Variants in KYNU observed in about 807,000 individuals in gnomAD.
KYNU encodes kynureninase.
A neutral mutation model predicts 59.2 loss-of-function variants in KYNU; 54 were observed. The observed-to-expected ratio is 0.91, with a 90% CI of 0.73 to 1.14. The LOEUF is 1.14. Among genes scored for constraint, KYNU ranks in the 50% most tolerant of loss-of-function variants. The probability of loss-of-function intolerance (pLI) is 0.00; values close to 1 mark genes in which losing one functional copy is unlikely to be tolerated. For synonymous variants in KYNU, 177 were observed against 192.0 expected (o/e 0.92, Z 0.65); for missense variants, 567 against 554.4 (o/e 1.02, Z -0.23).
chr2:142,889,509 G>C (rs185237553), intron 2 of KYNU, among the ~76,000 whole-genome samples: 1 of 152,140 alleles, frequency 6.6e-6, no homozygotes, highest in Non-Finnish European at 1.5e-5. Flanking sequence ...CTGGCTGCAG[G>C]ACACAGGGCA....
At chr2:142,971,942 G>A (rs529820191) in intron 8 of KYNU, among the ~76,000 whole-genome samples, 3 of 152,184 alleles carry the variant, frequency 2.0e-5, no homozygotes, top group South Asian at 2.1e-4. Context: ...AGACTGCTCC[G>A]TTAAGTCATT....
chr2:143,021,333 A>C (rs1210142243), intron 10 of KYNU, among the ~76,000 whole-genome samples: 1 of 152,098 alleles, frequency 6.6e-6, no homozygotes, highest in Non-Finnish European at 1.5e-5. Context: ...GAGATTTCTT[A>C]ATATTATTTG....
intron 1 of KYNU, among the ~76,000 whole-genome samples, chr2:142,882,619 G>A (rs1203451883): frequency 6.6e-6 from 1 of 152,066 alleles, no homozygotes; most frequent in Non-Finnish European, 1.5e-5. Flanking sequence ...TCAGAATGAT[G>A]GTTTCCAGCT....
chr2:142,966,638 A>C (rs1480397074), intron 8 of KYNU, among the ~76,000 whole-genome samples: 1 of 151,150 alleles, frequency 6.6e-6, no homozygotes, highest in Non-Finnish European at 1.5e-5. Flanking sequence ...TCAGACCTGG[A>C]CTTGACTCTA....
rs1007247746 is a variant in KYNU, at chr2:142,935,270, G to A, written c.373+7529G>A. On this transcript the variant is annotated intron_variant, in intron 4 of 13. Transcript: ENST00000264170. Reference sequence around the variant, plus strand: ...CAAGAGAGAAAAAGGGCTGGTTTTCGTCAGGACCCTGGGTGATTTCTGAAA... The same window carrying A: ...CAAGAGAGAAAAAGGGCTGGTTTTCATCAGGACCCTGGGTGATTTCTGAAA... Among the ~76,000 whole-genome samples the A allele has an allele frequency of 3.9e-5, 6 of 152,132 alleles. No homozygotes were observed. In the East Asian group the frequency reaches 5.8e-4, roughly 15 times the overall value.
chr2:142,991,190 C>G (rs577532998), intron 10 of KYNU, among the ~76,000 whole-genome samples: 2 of 152,034 alleles, frequency 1.3e-5, no homozygotes, highest in South Asian at 2.1e-4. Flanking sequence ...TATTTCACTT[C>G]CATATGCTTT....
chr2:142,914,888 G>A (rs351702), intron 2 of KYNU, among the ~76,000 whole-genome samples: 3,952 of 152,268 alleles, frequency 0.026, 173 homozygotes, highest in Admixed American at 0.11. Flanking sequence ...CACCATGTTT[G>A]GTGGACCCAG....
chr2:143,017,385 C>A (rs1298298138), intron 10 of KYNU, among the ~76,000 whole-genome samples: 2 of 151,690 alleles, frequency 1.3e-5, no homozygotes, highest in Non-Finnish European at 2.9e-5. Context: ...TCTCTTTTCT[C>A]CACAGGCTCA....
chr2:143,004,900 G>C (rs549415537), intron 10 of KYNU, among the ~76,000 whole-genome samples: 25 of 152,152 alleles, frequency 1.6e-4, no homozygotes, highest in African/African-American at 6.0e-4. Flanking sequence ...CTCTACTAAC[G>C]GGGTCACTAG....
At chr2:143,000,506 A>G (rs1437208276) in intron 10 of KYNU, among the ~76,000 whole-genome samples, 2 of 152,204 alleles carry the variant, frequency 1.3e-5, no homozygotes, top group East Asian at 1.9e-4. Context: ...GAATCACAGA[A>G]TTGCAATTTG....
chr2:142,985,245 A>G, intron 9 of KYNU, 63 bp downstream of exon 9: 2 of 1,031,220 alleles, frequency 1.9e-6, no homozygotes, highest in East Asian at 4.8e-5. Flanking sequence ...TGAAGGAGAA[A>G]CTGGGTCTGT....
chr2:142,991,194 A>T (rs538751168), intron 10 of KYNU, among the ~76,000 whole-genome samples: 2 of 152,024 alleles, frequency 1.3e-5, no homozygotes, highest in East Asian at 3.9e-4. Context: ...TCACTTCCAT[A>T]TGCTTTTCCA....
chr2:143,032,006 G>GCA (rs1686759549), intron 11 of KYNU, among the ~76,000 whole-genome samples: 1 of 152,082 alleles, frequency 6.6e-6, no homozygotes, highest in Non-Finnish European at 1.5e-5. Flanking sequence ...GGCCGGGCGT[G>GCA]GTGGCTCACG....
Position 143,043,607 on chromosome 2 carries a change from CTTAA to C in KYNU, c.*1438_*1441del, listed in dbSNP as rs957871285. ...GTGCTACATTACTCATGTTATCTCCCTTAATTGAGTGGCTACATACTGCTTTAGC... is the reference window on the plus strand; with the variant it reads ...GTGCTACATTACTCATGTTATCTCCCTTGAGTGGCTACATACTGCTTTAGC... On this transcript the variant is annotated 3_prime_UTR_variant, in exon 14 of 14. Coordinates refer to ENST00000264170, the MANE Select transcript of KYNU (RefSeq NM_003937.3). 8 of 151,524 alleles carry C rather than the reference CTTAA, an allele frequency of 5.3e-5. No individual in the cohort carries two copies. Among genetic ancestry groups the C allele is most frequent in the African/African-American group, 1.5e-4 (6 of 41,302 alleles). The allele number at this position is 151,524 out of a possible 1,614,324, so 9.4% of individuals were successfully genotyped here.
chr2:142,904,509 C>T (rs1682217077), intron 2 of KYNU, among the ~76,000 whole-genome samples: 1 of 152,186 alleles, frequency 6.6e-6, no homozygotes, highest in Non-Finnish European at 1.5e-5. Flanking sequence ...AGTGTCTGAT[C>T]TAGCAGTAAC....
chr2:142,985,363 T>C (rs1685169257), intron 9 of KYNU, among the ~76,000 whole-genome samples, 181 bp downstream of exon 9: 1 of 151,986 alleles, frequency 6.6e-6, no homozygotes, highest in Admixed American at 6.6e-5. Flanking sequence ...AATATAATTC[T>C]AGTATTTCTA....
intron 10 of KYNU, 118 bp from the exon 11 acceptor site, chr2:143,029,509 C>T (rs1686680190): frequency 1.4e-6 from 1 of 711,650 alleles, no homozygotes; most frequent in Non-Finnish European, 2.6e-6. Context: ...TCGCTTGAAC[C>T]CAAGAGGCAG....
intron 10 of KYNU, among the ~76,000 whole-genome samples, chr2:142,999,467 G>A (rs1685647355): frequency 6.6e-6 from 1 of 152,052 alleles, no homozygotes; most frequent in African/African-American, 2.4e-5. Flanking sequence ...AATCACACAT[G>A]CTCTAAGTTA....
intron 2 of KYNU, among the ~76,000 whole-genome samples, chr2:142,890,107 G>A (rs536769321): frequency 1.3e-5 from 2 of 148,396 alleles, no homozygotes; most frequent in African/African-American, 4.9e-5. Context: ...GAGCACAGCT[G>A]AAAAATAAAC....
Sources: gnomAD v4.1 joint callset for allele counts (sites outside exome capture counted in the v4.1 genomes callset) on GRCh38, gnomAD v4.1.1 for gene constraint, MANE v1.5 for transcripts, NCBI Gene and HGNC (gene_info 2026-07-23, HGNC 2026-07-21) for gene names.